The following STK11 variants were observed in gnomAD, a reference collection of about 807,000 sequenced individuals.
STK11 encodes serine/threonine kinase 11, also known as serine/threonine-protein kinase STK11.
A neutral mutation model predicts 47.3 loss-of-function variants in STK11; 8 were observed. The observed-to-expected ratio is 0.17, with a 90% confidence interval of 0.10 to 0.31. STK11 has a LOEUF of 0.31. STK11 is among the 10% of genes least tolerant of loss of function. STK11 has a pLI of 1.00. For missense variants in STK11, 475 were observed against 605.0 expected (o/e 0.79, Z 2.25); for synonymous variants, 330 against 255.8 (o/e 1.29, Z -2.77).
intron 1 of STK11, among the ~76,000 whole-genome samples, chr19:1,210,428 G>T (rs1436939433): frequency 6.6e-6 from 1 of 152,214 alleles, no homozygotes; most frequent in Admixed American, 6.5e-5. Context: ...CACCAAGGGG[G>T]GTGGGTTGGG....
intron 1 of STK11, among the ~76,000 whole-genome samples, chr19:1,208,975 G>A (rs1361416047): frequency 6.6e-6 from 1 of 152,070 alleles, no homozygotes; most frequent in Non-Finnish European, 1.5e-5. Context: ...AGGGGCACAG[G>A]CTCTGAAGTT....
At chr19:1,226,957 C>T (rs2080828322) in intron 9 of STK11, 1 of 409,314 alleles carries the variant, frequency 2.4e-6, no homozygotes, top group Non-Finnish European at 4.3e-6. Context: ...GGACCCTGCC[C>T]TGGGCCTGGC....
rs547028801 is a variant in STK11 at position 1,227,806 on chromosome 19, C to T, written c.*230C>T. 6 of 1,073,192 alleles carry T rather than the reference C, an allele frequency of 5.6e-6. No homozygotes were observed. Among genetic ancestry groups the T allele is most frequent in the South Asian group, 4.5e-5 (1 of 22,044 alleles). 66.5% of individuals were successfully genotyped at this position (1,073,192 alleles called of 1,614,324 possible). The stretch of plus-strand genomic sequence containing the variant: ...GGCAGTGCACGCGGCTTGTTGACTT[C>T]GCAGCCCCGGGCGGAGCCTTCCCGG... On this transcript the variant is annotated 3_prime_UTR_variant, in exon 10 of 10. Coordinates refer to ENST00000326873, the MANE Select transcript of STK11 (RefSeq NM_000455.5).
intron 5 of STK11, 116 bp from the exon 6 acceptor site, chr19:1,221,097 C>T (rs2080780335): frequency 6.9e-7 from 1 of 1,450,148 alleles, no homozygotes; most frequent in Admixed American, 2.1e-5. Flanking sequence ...CTTGAGTCCA[C>T]AGGGCCTCTG....
intron 1 of STK11, 100 bp from the exon 2 acceptor site, chr19:1,218,317 T>C (rs1308587963): frequency 1.4e-5 from 13 of 944,822 alleles, no homozygotes; most frequent in Non-Finnish European, 2.2e-5. Context: ...AGGGAGGAGG[T>C]ACGCCACTTC....
intron 1 of STK11, among the ~76,000 whole-genome samples, chr19:1,213,277 G>A (rs899947156): frequency 2.4e-4 from 36 of 152,126 alleles, no homozygotes; most frequent in African/African-American, 8.0e-4. Context: ...GGTTACAGGT[G>A]TGAGCCACCG....
Position 1,205,805 on chromosome 19 carries a change from C to T in STK11, c.-1109C>T, listed in dbSNP as rs921317971. ...GGTAAACAAGATGGCGGCGGCGTGT[C>T]GGGCGCGGAAGGGGGAGGCGGCCCG... is the stretch of plus-strand genomic sequence containing the variant. On this transcript the variant is annotated 5_prime_UTR_variant, in exon 1 of 10. Coordinates refer to ENST00000326873, the MANE Select transcript of STK11 (RefSeq NM_000455.5). 5 of 202,908 alleles carry T rather than the reference C, an allele frequency of 2.5e-5. No homozygotes were observed. The highest frequency in any genetic ancestry group is 5.1e-5 in the Non-Finnish European group (5 of 98,544). The allele number at this position is 202,908 out of a possible 1,614,324, so 12.6% of individuals were successfully genotyped here. A position where few individuals can be genotyped will look rare whatever the true frequency, so the allele number is the denominator to read the frequency against.
chr19:1,219,683 T>C (rs942057759), intron 3 of STK11, among the ~76,000 whole-genome samples: 13 of 152,066 alleles, frequency 8.5e-5, no homozygotes, highest in East Asian at 1.9e-4. Context: ...GTAGCTGGGA[T>C]TACAGGCGCC....
intron 1 of STK11, among the ~76,000 whole-genome samples, chr19:1,211,852 A>G (rs2080713216): frequency 6.6e-6 from 1 of 152,200 alleles, no homozygotes; most frequent in African/African-American, 2.4e-5. Context: ...TATGGTAAAG[A>G]GGATTTTCGC....
intron 5 of STK11, 50 bp downstream of exon 5, chr19:1,220,767 C>T (rs773514293): frequency 1.9e-6 from 3 of 1,556,766 alleles, no homozygotes; most frequent in East Asian, 4.6e-5. Flanking sequence ...CTCCGAGGGG[C>T]CTCTGCGTCT....
rs568419953 is a variant in STK11 at position 1,211,469 on chromosome 19, G to C, written c.290+4266G>C. On this transcript the variant is annotated intron_variant, in intron 1 of 9. Coordinates refer to ENST00000326873, the MANE Select transcript of STK11 (RefSeq NM_000455.5). ...GCCCACAGTGGGGTTCTGGGGGGGGGGGTGCAGGCAGAAGGCCGCCATGCC... is the reference window on the plus strand; with the variant it reads ...GCCCACAGTGGGGTTCTGGGGGGGGCGGTGCAGGCAGAAGGCCGCCATGCC... Among the ~76,000 whole-genome samples the C allele has an allele frequency of 9.2e-5, 14 of 152,070 alleles. No individual in the cohort carries two copies. In the East Asian group the frequency reaches 1.7e-3, roughly 19 times the overall value.
At chr19:1,226,375 G>T in intron 8 of STK11, 79 bp from the exon 9 acceptor site, 1 of 1,553,906 alleles carries the variant, frequency 6.4e-7, no homozygotes, top group African/African-American at 1.4e-5. Context: ...GTGCGTCCCC[G>T]TGGTGGGGGC....
In STK11 at chr19:1,224,381, G is replaced by A. The variant is rs1010330965; in HGVS notation, c.1108+1209G>A. On this transcript the variant is annotated intron_variant, in intron 8 of 9. Coordinates refer to ENST00000326873, the MANE Select transcript of STK11 (RefSeq NM_000455.5). ...GCTGCTGGGTACCCTGGTCACTAGG[G>A]TGTGCTGGGAGGTGGGGGCCCCTCA... 30 of 985,366 alleles carry A rather than the reference G, an allele frequency of 3.0e-5. No homozygotes were observed. The South Asian group carries it at 1.1e-3, about 37-fold the overall frequency. The allele number at this position is 985,366 out of a possible 1,614,324, so 61.0% of individuals were successfully genotyped here. A position where few individuals can be genotyped will look rare whatever the true frequency, so the allele number is the denominator to read the frequency against.
Position 1,206,848 on chromosome 19 carries a change from A to G in STK11, c.-66A>G. 1 of 1,486,800 alleles carries G rather than the reference A, an allele frequency of 6.7e-7. No homozygotes were observed. Among genetic ancestry groups the G allele is most frequent in the Non-Finnish European group, 9.0e-7 (1 of 1,112,390 alleles). The allele number at this position is 1,486,800 out of a possible 1,614,324, so 92.1% of individuals were successfully genotyped here. On this transcript the variant is annotated 5_prime_UTR_variant, in exon 1 of 10. Coordinates refer to ENST00000326873, the MANE Select transcript of STK11 (RefSeq NM_000455.5). ...AATTTTGGAGAAGGGAAGTCGGAACACAAGGAAGGACCGCTCACCCGCGGA... is the reference window on the plus strand; with the variant it reads ...AATTTTGGAGAAGGGAAGTCGGAACGCAAGGAAGGACCGCTCACCCGCGGA...
chr19:1,221,642 T>A (rs1277799473), intron 6 of STK11: 1 of 587,050 alleles, frequency 1.7e-6, no homozygotes, highest in Admixed American at 3.0e-5. Flanking sequence ...GTTGTCCTGC[T>A]GCACTTCCTA....
At chr19:1,207,993 T>G (rs1423359867) in intron 1 of STK11, among the ~76,000 whole-genome samples, 1 of 152,308 alleles carries the variant, frequency 6.6e-6, no homozygotes, top group South Asian at 2.1e-4. Flanking sequence ...GCCGGGGGTG[T>G]CCCTGCCTTA....
chr19:1,224,093 C>T, intron 8 of STK11: 1 of 995,082 alleles, frequency 1.0e-6, no homozygotes, highest in Non-Finnish European at 1.2e-6. Context: ...TCCCTCAGCA[C>T]TCCTGGGCCC....
rs1270982559 is a variant in STK11, at chr19:1,223,899, G to A, written c.1108+727G>A. The A allele has an allele frequency of 5.9e-6, 6 of 1,015,456 alleles. 1 individual carries two copies. The South Asian group carries it at 1.4e-4, about 24-fold the overall frequency. 62.9% of individuals were successfully genotyped at this position (1,015,456 alleles called of 1,614,324 possible). On this transcript the variant is annotated intron_variant, in intron 8 of 9. Coordinates refer to ENST00000326873, the MANE Select transcript of STK11 (RefSeq NM_000455.5). Reference sequence around the variant, plus strand: ...TATCTGCAGGGTGGATGCTTGCTGCGCTCGGGCTGGAGCCTGAGGGGGCTT... The same window carrying A: ...TATCTGCAGGGTGGATGCTTGCTGCACTCGGGCTGGAGCCTGAGGGGGCTT...
chr19:1,226,902 G>T lies in STK11; in HGVS notation c.*16+239G>T, dbSNP rs72618592. On this transcript the variant is annotated intron_variant, in intron 9 of 9. Transcript: ENST00000326873. Reference sequence around the variant, plus strand: ...CCTACGTGTGGCGGGGCTCTGGGGGGGCGTGCCGTCCTCACAGCCACCTCT... The same window carrying T: ...CCTACGTGTGGCGGGGCTCTGGGGGTGCGTGCCGTCCTCACAGCCACCTCT... The T allele has an allele frequency of 0.23, 120,665 of 526,016 alleles. 14,922 individuals carry two copies. Among genetic ancestry groups the T allele is most frequent in the East Asian group, 0.43 (12,101 of 28,250 alleles). The allele number at this position is 526,016 out of a possible 1,614,324, so 32.6% of individuals were successfully genotyped here.
Sources: gnomAD v4.1 joint callset for allele counts (sites outside exome capture counted in the v4.1 genomes callset) on GRCh38, gnomAD v4.1.1 for gene constraint, MANE v1.5 for transcripts, NCBI Gene and HGNC (gene_info 2026-07-23, HGNC 2026-07-21) for gene names.